Variants in FHOD1 observed in about 807,000 individuals in gnomAD.
FHOD1 encodes the protein FH1/FH2 domain-containing protein 1.
FHOD1 carries 89 observed loss-of-function variants against 111.6 expected under a neutral mutation model. That is an observed-to-expected ratio of 0.80 (90% CI 0.67 to 0.95). The LOEUF is 0.95. Ranked by LOEUF, FHOD1 falls within the 40% of genes least tolerant of loss-of-function variation. The probability of loss-of-function intolerance (pLI) is 0.00; values close to 1 mark genes in which losing one functional copy is unlikely to be tolerated. For synonymous variants in FHOD1, 618 were observed against 639.0 expected (o/e 0.97, Z 0.50); for missense variants, 1,446 against 1,554.2 (o/e 0.93, Z 1.17).
At chr16:67,241,401 C>T in intron 1 of FHOD1, among the ~76,000 whole-genome samples, 1 of 152,188 alleles carries the variant, frequency 6.6e-6, no homozygotes, top group Non-Finnish European at 1.5e-5. Flanking sequence ...ACTCAGCAGC[C>T]TACCACCCCA....
rs371543469 is a variant in FHOD1 at position 67,238,976 on chromosome 16, A to G, written c.309-9T>C. 25 of 1,613,924 alleles carry G rather than the reference A, an allele frequency of 1.5e-5. No individual in the cohort carries two copies. The East Asian group carries it at 5.3e-4, about 35-fold the overall frequency. On this transcript the variant is annotated splice_polypyrimidine_tract_variant and intron_variant, in intron 2 of 21. Transcript: ENST00000258201. The surrounding 1 kb of genome is among the most constrained non-coding windows in gnomAD (Gnocchi z 4.2). ...TGGGCTTCCGCCCTTTGCTGGAATC[A>G]AGGATCTCTGTTAGCAGCTCCCAGC...
At position 67,236,732 on chromosome 16, in the gene FHOD1, G is replaced by T. The variant is rs756168034; in HGVS notation, c.1144C>A (p.Pro382Thr). Reference sequence around the variant, plus strand: ...CCTACCGGTGAGGCGGGGCCTGTGGGGCTGAAAGCAGGGGCTGTCAGTGGG... The same window carrying T: ...CCTACCGGTGAGGCGGGGCCTGTGGTGCTGAAAGCAGGGGCTGTCAGTGGG... ...GCPARAPEPG[P>T]TGPASPVGPT... The change falls in exon 11 of 22, where the codon CCC (proline) becomes ACC (threonine). Residue 382 changes from proline to threonine, a missense_variant and splice_region_variant. Transcript: ENST00000258201. 1.7e-5 allele frequency: 26 copies of T among 1,543,240 alleles called. No individual in the cohort carries two copies. The highest frequency in any genetic ancestry group is 2.2e-5 in the Non-Finnish European group (25 of 1,143,862).
At position 67,234,178 on chromosome 16, in the gene FHOD1, G is replaced by A. The variant is rs369969027; in HGVS notation, c.1525C>T (p.Arg509Ter). The change falls in exon 13 of 22, where the codon CGA (arginine) becomes TGA (stop). Residue 509 changes from arginine (R) to a stop codon, truncating the protein, a stop_gained. Transcript: ENST00000258201. LOFTEE classifies it high-confidence loss of function. ...TCCTTGGGCTCTGGTGCAAGGCTTC[G>A]CTGGGCCCGGAGCAGGACACAGGGG... Reference protein sequence around the residue: ...PAPCVLLRAQRSLAPEPKEPL... With the variant: ...PAPCVLLRAQ 5 of 1,551,814 alleles carry A rather than the reference G, an allele frequency of 3.2e-6. No individual in the cohort carries two copies. The highest frequency in any genetic ancestry group is 4.4e-6 in the Non-Finnish European group (5 of 1,146,962).
chr16:67,236,006 C>A, intron 11 of FHOD1: 1 of 978,716 alleles, frequency 1.0e-6, no homozygotes, highest in South Asian at 4.8e-5. Flanking sequence ...AGGCCGGCCT[C>A]TGTACTTACT....
chr16:67,234,146 C>A lies in FHOD1; in HGVS notation c.1557G>T (p.Leu519=). Residue 519 remains leucine (L), a synonymous_variant, in exon 13 of 22, where the codon CTG becomes CTT. Transcript: ENST00000258201. Reference sequence around the variant, plus strand: ...GCTCAGCCTTGGGGCTTGCTGGTATCAGTGGCTCCTTGGGCTCTGGTGCAA... The same window carrying A: ...GCTCAGCCTTGGGGCTTGCTGGTATAAGTGGCTCCTTGGGCTCTGGTGCAA... ...RSLAPEPKEP[L]IPASPKAEPI... The A allele has an allele frequency of 1.3e-6, 2 of 1,564,732 alleles. No homozygotes were observed. Among genetic ancestry groups the A allele is most frequent in the African/African-American group, 1.4e-5 (1 of 73,738 alleles).
rs376861704 is a variant in FHOD1, at chr16:67,238,629, G to A, written c.374-182C>T. ...TGCAGTGGCACAGTCATAGCTCACTGCAACCTCAAACTCCTAGCCTCAAGC... is the reference window on the plus strand; with the variant it reads ...TGCAGTGGCACAGTCATAGCTCACTACAACCTCAAACTCCTAGCCTCAAGC... On this transcript the variant is annotated intron_variant, in intron 3 of 21. Transcript: ENST00000258201. The surrounding 1 kb of genome is among the most constrained non-coding windows in gnomAD (Gnocchi z 4.2). 109 of 693,152 alleles carry A rather than the reference G, an allele frequency of 1.6e-4. No individual in the cohort carries two copies. In the African/African-American group the frequency reaches 1.8e-3, roughly 12 times the overall value. The allele number at this position is 693,152 out of a possible 1,614,324, so 42.9% of individuals were successfully genotyped here. A position where few individuals can be genotyped will look rare whatever the true frequency, so the allele number is the denominator to read the frequency against.
chr16:67,245,293 G>A (rs1304681586), intron 1 of FHOD1, among the ~76,000 whole-genome samples: 1 of 152,186 alleles, frequency 6.6e-6, no homozygotes, highest in Non-Finnish European at 1.5e-5. Context: ...ATTCTTCACC[G>A]GAGCTCAGTA....
At chr16:67,236,330 A>T in intron 11 of FHOD1, 1 of 1,366,452 alleles carries the variant, frequency 7.3e-7, no homozygotes, top group Non-Finnish European at 9.6e-7. Context: ...AAAGACAGGC[A>T]GAACGTCGGA....
In FHOD1 at chr16:67,234,050, C is replaced by T; in HGVS notation, c.1653G>A (p.Glu551=). 6.2e-7 allele frequency: 1 copy of T among 1,613,772 alleles called. No homozygotes were observed. Among genetic ancestry groups the T allele is most frequent in the Middle Eastern group, 1.7e-4 (1 of 6,060 alleles). Residue 551 remains glutamate (E), a synonymous_variant, in exon 13 of 22, where the codon GAG becomes GAA. Coordinates refer to ENST00000258201, the MANE Select transcript of FHOD1 (RefSeq NM_013241.3). ...IGDLDFSDLG[E]DEDQDMLNVE... is the part of the protein sequence containing the mutation. ...CATTCAGCATGTCCTGGTCTTCATC[C>T]TCCCCTAGATCTGAAAAGTCCAGGT...
intron 13 of FHOD1, 77 bp downstream of exon 13, chr16:67,233,580 G>C (rs1434177025): frequency 1.1e-5 from 17 of 1,488,234 alleles, no homozygotes; most frequent in Non-Finnish European, 1.4e-5. Flanking sequence ...TGAGTGACTA[G>C]CTCCAACAGG....
At position 67,233,905 on chromosome 16, in the gene FHOD1, G is replaced by T; in HGVS notation, c.1798C>A (p.Pro600Thr). Residue 600 changes from proline to threonine, a missense_variant, in exon 13 of 22, where the codon CCA (proline) becomes ACA (threonine). By Grantham distance (38) the Pro-to-Thr change is conservative. This residue lies in a region of FHOD1 where 1,085 missense variants were observed against 1,108.8 expected (regional missense o/e 0.98). Transcript: ENST00000258201. Reference protein sequence around the residue: ...PPPPIKGPFPPPPPLPLAAPL... With the variant: ...PPPPIKGPFPTPPPLPLAAPL... The stretch of plus-strand genomic sequence containing the variant: ...GCAGCCAGAGGTAGAGGTGGAGGTG[G>T]TGGGAAGGGGCCTTTGATGGGTGGG... The T allele has an allele frequency of 6.3e-7, 1 of 1,590,048 alleles. No individual in the cohort carries two copies. Among genetic ancestry groups the T allele is most frequent in the Non-Finnish European group, 8.6e-7 (1 of 1,168,684 alleles).
chr16:67,243,340 T>A (rs1567396553), intron 1 of FHOD1, among the ~76,000 whole-genome samples: 1 of 151,808 alleles, frequency 6.6e-6, no homozygotes, highest in Non-Finnish European at 1.5e-5. Context: ...TATCTTATGC[T>A]TCCTCTGTGC....
chr16:67,233,751 G>A lies in FHOD1; in HGVS notation c.1952C>T (p.Ala651Val). The A allele has an allele frequency of 6.2e-7, 1 of 1,613,984 alleles. No individual in the cohort carries two copies. Among genetic ancestry groups the A allele is most frequent in the Non-Finnish European group, 8.5e-7 (1 of 1,179,986 alleles). ...AGGGTCCAGTGAAGCCCAGAGGGTG[G>A]CGCAGGGCCCAAAGCGGCTTGCAGA... The part of the protein sequence containing the change: ...GVSASRFGPC[A>V]TLWASLDPVS... Residue 651 changes from alanine (A) to valine (V), a missense_variant, in exon 13 of 22, where the codon GCC becomes GTC. By Grantham distance (64) the Ala-to-Val change is moderately conservative (BLOSUM62 0). This residue lies in a region of FHOD1 where 1,085 missense variants were observed against 1,108.8 expected (regional missense o/e 0.98). Coordinates refer to ENST00000258201, the MANE Select transcript of FHOD1 (RefSeq NM_013241.3).
Position 67,247,477 on chromosome 16 carries a change from A to C in FHOD1, c.-67T>G, listed in dbSNP as rs2034913062. The C allele has an allele frequency of 2.0e-6, 3 of 1,530,010 alleles. No homozygotes were observed. In the African/African-American group the frequency reaches 4.1e-5, roughly 21 times the overall value. The allele number at this position is 1,530,010 out of a possible 1,614,324, so 94.8% of individuals were successfully genotyped here. A position where few individuals can be genotyped will look rare whatever the true frequency, so the allele number is the denominator to read the frequency against. On this transcript the variant is annotated 5_prime_UTR_variant, in exon 1 of 22. Coordinates refer to ENST00000258201, the MANE Select transcript of FHOD1 (RefSeq NM_013241.3). Reference sequence around the variant, plus strand: ...CCCCAGTGCAGCTTCTACTCAAAGCACACTGTAGCTCCGCGGTTCGGGCCC... The same window carrying C: ...CCCCAGTGCAGCTTCTACTCAAAGCCCACTGTAGCTCCGCGGTTCGGGCCC...
chr16:67,234,352 C>A lies in FHOD1; in HGVS notation c.1435+5G>T. ...CAGGCTCTGCCTGCTCACCCACCTA[C>A]TCACCTGGGTGTCCACCCGCCTCAT... On this transcript the variant is annotated splice_donor_5th_base_variant and intron_variant, in intron 12 of 21. Coordinates refer to ENST00000258201, the MANE Select transcript of FHOD1 (RefSeq NM_013241.3). 6.2e-7 allele frequency: 1 copy of A among 1,609,180 alleles called. No individual in the cohort carries two copies. Among genetic ancestry groups the A allele is most frequent in the Non-Finnish European group, 8.5e-7 (1 of 1,178,596 alleles).
rs1380335517 is a variant in FHOD1 at position 67,230,474 on chromosome 16, G to T, written c.2891C>A (p.Thr964Asn). Reference sequence around the variant, plus strand: ...GCGCACTTCACGGGCCGCCTGCGGGGTGTAGCCCAGGTAGAGCAGGAAGGC... The same window carrying T: ...GCGCACTTCACGGGCCGCCTGCGGGTTGTAGCCCAGGTAGAGCAGGAAGGC... Reference protein sequence around the residue: ...FHAFLLYLGYTPQAAREVRIM... With the variant: ...FHAFLLYLGYNPQAAREVRIM... Residue 964 changes from threonine (T) to asparagine (N), a missense_variant, in exon 19 of 22, where the codon ACC becomes AAC. Coordinates refer to ENST00000258201, the MANE Select transcript of FHOD1 (RefSeq NM_013241.3). The T allele has an allele frequency of 1.9e-6, 3 of 1,614,150 alleles. No individual in the cohort carries two copies. The highest frequency in any genetic ancestry group is 1.1e-5 in the South Asian group (1 of 91,092).
rs769125781 is a variant in FHOD1 at position 67,230,613 on chromosome 16, C to G, written c.2846G>C (p.Arg949Pro). 3 of 1,614,086 alleles carry G rather than the reference C, an allele frequency of 1.9e-6. No homozygotes were observed. The highest frequency in any genetic ancestry group is 1.7e-6 in the Non-Finnish European group (2 of 1,179,952). The change falls in exon 18 of 22, where the codon CGT (arginine) becomes CCT (proline). Residue 949 changes from arginine to proline, a missense_variant. Physicochemically the swap from Arg to Pro is moderately radical, Grantham distance 103 (BLOSUM62 -2). This residue lies in a region of FHOD1 where 1,085 missense variants were observed against 1,108.8 expected (regional missense o/e 0.98). Coordinates refer to ENST00000258201, the MANE Select transcript of FHOD1 (RefSeq NM_013241.3). ...RVAMLRIVHRRVCNRFHAFLL... is the reference protein window; with the variant it reads ...RVAMLRIVHRPVCNRFHAFLL... ...TCCATGCCCCTACCTATTGCAGACA[C>G]GGCGGTGCACTATCCTTAGCATGGC... is the stretch of plus-strand genomic sequence containing the variant.
intron 13 of FHOD1, among the ~76,000 whole-genome samples, chr16:67,232,787 A>G (rs1460833125): frequency 6.6e-6 from 1 of 151,884 alleles, no homozygotes; most frequent in Non-Finnish European, 1.5e-5. Context: ...AGTAGCTGGG[A>G]TTACAGGCGT....
rs1231378117 is a variant in FHOD1, at chr16:67,230,128, G to A, written c.3152C>T (p.Ala1051Val). 6.2e-7 allele frequency: 1 copy of A among 1,614,196 alleles called. No individual in the cohort carries two copies. Among genetic ancestry groups the A allele is most frequent in the Admixed American group, 1.7e-5 (1 of 60,018 alleles). Residue 1051 changes from alanine (A) to valine (V), a missense_variant, in exon 20 of 22, where the codon GCT (alanine) becomes GTT (valine). Around this residue, in one of 3 missense-constraint regions of FHOD1, gnomAD observed 1,085 missense variants for 1,108.8 expected, o/e 0.98. Coordinates refer to ENST00000258201, the MANE Select transcript of FHOD1 (RefSeq NM_013241.3). ...GCTGGTCAGCAGACTCTTCATACTAGCATGACTGTCAGCATCTCCCCGGCC... is the reference window on the plus strand; with the variant it reads ...GCTGGTCAGCAGACTCTTCATACTAACATGACTGTCAGCATCTCCCCGGCC... Reference protein sequence around the residue: ...GPGRGDADSHASMKSLLTSRP... With the variant: ...GPGRGDADSHVSMKSLLTSRP...
Sources: gnomAD v4.1 joint callset for allele counts (sites outside exome capture counted in the v4.1 genomes callset) on GRCh38, gnomAD v4.1.1 for gene constraint, gnomAD v4.1.1 regional missense constraint, Gnocchi (gnomAD v3.1) non-coding constraint, MANE v1.5 for transcripts, NCBI Gene and HGNC (gene_info 2026-07-23, HGNC 2026-07-21) for gene names.